INTS9: variants seen among roughly 807,000 people sequenced by gnomAD.
The protein encoded by INTS9 is integrator complex subunit 9.
INTS9 carries 55 observed loss-of-function variants against 79.7 expected under a neutral mutation model. That is an observed-to-expected ratio of 0.69 (90% CI 0.56 to 0.86). INTS9 has a LOEUF of 0.86. INTS9 is among the 40% of genes least tolerant of loss of function. INTS9 has a pLI of 0.00. For missense variants in INTS9, 721 were observed against 831.5 expected (o/e 0.87, Z 1.64); for synonymous variants, 319 against 325.2 (o/e 0.98, Z 0.20).
At chr8:28,805,799 G>T (rs1489994091) in intron 8 of INTS9, among the ~76,000 whole-genome samples, 1 of 152,134 alleles carries the variant, frequency 6.6e-6, no homozygotes, top group East Asian at 1.9e-4. Flanking sequence ...TATACAGAAG[G>T]AAATTTACAC....
intron 2 of INTS9, among the ~76,000 whole-genome samples, chr8:28,854,385 CAG>C (rs1808029125): frequency 6.6e-6 from 1 of 151,900 alleles, no homozygotes; most frequent in South Asian, 2.1e-4. Context: ...AGAGCTCTGA[CAG>C]GGGTACGCAG....
At chr8:28,773,965 G>A (rs1409675679) in intron 14 of INTS9, among the ~76,000 whole-genome samples, 2 of 152,116 alleles carry the variant, frequency 1.3e-5, no homozygotes, top group African/African-American at 4.8e-5. Flanking sequence ...GATTACAGGT[G>A]CGTGACACCA....
intron 15 of INTS9, 31 bp downstream of exon 15, chr8:28,770,951 G>T (rs781131172): frequency 1.3e-6 from 2 of 1,509,900 alleles, no homozygotes; most frequent in South Asian, 2.3e-5. Context: ...TGGGGAGAGG[G>T]TCCCCTGCAC....
In INTS9 at chr8:28,859,402, A is replaced by G. The variant is rs762051530; in HGVS notation, c.137+34T>C. On this transcript the variant is annotated intron_variant, in intron 2 of 16. Transcript: ENST00000521022. ...TGGTACCATTTTTCAGCAAACTTAA[A>G]GCTCATTTTGTCTTTGGCTGCACCA... The G allele has an allele frequency of 8.8e-5, 142 of 1,609,272 alleles. 1 individual carries two copies. In the South Asian group the frequency reaches 1.5e-3, roughly 17 times the overall value.
chr8:28,845,423 A>T (rs917303508), intron 4 of INTS9, among the ~76,000 whole-genome samples: 1 of 152,240 alleles, frequency 6.6e-6, no homozygotes, highest in East Asian at 1.9e-4. Flanking sequence ...TGCCTGAAAA[A>T]ATGTATATGG....
chr8:28,835,291 C>A lies in INTS9; in HGVS notation c.488+1G>T. ...CGGTAAGAGAGTGGTCTGTTCCTCA[C>A]CTCTGAATGTCCTTATTCTTCCACA... On this transcript the variant is annotated splice_donor_variant, in intron 6 of 16. Coordinates refer to ENST00000521022, the MANE Select transcript of INTS9 (RefSeq NM_018250.4). LOFTEE classifies it high-confidence loss of function. The A allele has an allele frequency of 1.9e-6, 3 of 1,611,506 alleles. No individual in the cohort carries two copies. The highest frequency in any genetic ancestry group is 2.5e-6 in the Non-Finnish European group (3 of 1,177,814).
intron 15 of INTS9, among the ~76,000 whole-genome samples, 166 bp from the exon 16 acceptor site, chr8:28,770,192 C>T (rs969001459): frequency 6.6e-6 from 1 of 152,384 alleles, no homozygotes; most frequent in Middle Eastern, 3.4e-3. Flanking sequence ...CCGGGAGCCC[C>T]AGATCCACGC....
chr8:28,843,805 G>A (rs545242227), intron 4 of INTS9, among the ~76,000 whole-genome samples: 5 of 151,146 alleles, frequency 3.3e-5, no homozygotes, highest in East Asian at 1.9e-4. Flanking sequence ...TTGAAATGGC[G>A]GGCAATATCA....
At chr8:28,796,081 G>A (rs578238488) in intron 9 of INTS9, among the ~76,000 whole-genome samples, 56 of 152,298 alleles carry the variant, frequency 3.7e-4, no homozygotes, top group African/African-American at 1.2e-3. Flanking sequence ...AGGCCAAAGC[G>A]GGCGGATTGC....
At chr8:28,856,095 A>G (rs1453415958) in intron 2 of INTS9, among the ~76,000 whole-genome samples, 2 of 152,236 alleles carry the variant, frequency 1.3e-5, no homozygotes, top group Admixed American at 6.5e-5. Context: ...CAGGGTCAAG[A>G]TGAGAATTGA....
chr8:28,794,110 G>T, intron 9 of INTS9, 123 bp from the exon 10 acceptor site: 1 of 735,222 alleles, frequency 1.4e-6, no homozygotes, highest in Non-Finnish European at 2.1e-6. Flanking sequence ...TTACTTACAT[G>T]TCTAATAAGC....
chr8:28,838,005 T>G (rs1806914401), intron 4 of INTS9, among the ~76,000 whole-genome samples: 1 of 152,006 alleles, frequency 6.6e-6, no homozygotes, highest in East Asian at 1.9e-4. Context: ...GAGGCAGCAC[T>G]CTGATTTTAC....
At chr8:28,776,879 T>C (rs1041077773) in intron 13 of INTS9, among the ~76,000 whole-genome samples, 1 of 152,150 alleles carries the variant, frequency 6.6e-6, no homozygotes, top group African/African-American at 2.4e-5. Flanking sequence ...AAGTTAATAA[T>C]GAAAAGCAAC....
At chr8:28,853,225 C>T (rs181672623) in intron 2 of INTS9, among the ~76,000 whole-genome samples, 114 of 151,972 alleles carry the variant, frequency 7.5e-4, no homozygotes, top group African/African-American at 2.5e-3. Flanking sequence ...ACCAGCCTGG[C>T]CAACATGGTG....
intron 8 of INTS9, among the ~76,000 whole-genome samples, chr8:28,802,811 A>G (rs964046693): frequency 2.0e-5 from 3 of 152,106 alleles, no homozygotes; most frequent in African/African-American, 7.2e-5. Flanking sequence ...ACATTCTATT[A>G]TAGATAAGTT....
chr8:28,819,359 T>A (rs528846951), intron 6 of INTS9, among the ~76,000 whole-genome samples: 13 of 152,334 alleles, frequency 8.5e-5, no homozygotes, highest in African/African-American at 2.6e-4. Context: ...TGTGTCTTTG[T>A]TCTTGTTGGT....
intron 1 of INTS9, among the ~76,000 whole-genome samples, chr8:28,863,717 G>C (rs1444538926): frequency 6.6e-6 from 1 of 152,200 alleles, no homozygotes; most frequent in Admixed American, 6.5e-5. Flanking sequence ...AGGAGGCAGA[G>C]GTTGCAGTGA....
At chr8:28,802,784 G>C (rs1294697009) in intron 8 of INTS9, among the ~76,000 whole-genome samples, 2 of 152,020 alleles carry the variant, frequency 1.3e-5, no homozygotes, top group African/African-American at 2.4e-5. Flanking sequence ...TCTTAGCCTG[G>C]TAAGGACATC....
In INTS9 at chr8:28,796,595, T is replaced by C. The variant is rs777613993; in HGVS notation, c.805A>G (p.Ile269Val). 1 of 1,614,088 alleles carries C rather than the reference T, an allele frequency of 6.2e-7. No homozygotes were observed. The highest frequency in any genetic ancestry group is 1.3e-5 in the African/African-American group (1 of 75,036). ...DVLVLTGLTQ[I>V]PTANPDGMVG... ...ATTCCATCTGGGTTTGCAGTGGGGA[T>C]CTGGGTAAGCCCTGTCAGAACAAGA... Residue 269 changes from isoleucine (I) to valine (V), a missense_variant, in exon 9 of 17, where the codon ATC (isoleucine) becomes GTC (valine). By Grantham distance (29) the Ile-to-Val change is conservative. Around this residue, in one of 3 missense-constraint regions of INTS9, gnomAD observed 149 missense variants for 223.7 expected, o/e 0.67. Coordinates refer to ENST00000521022, the MANE Select transcript of INTS9 (RefSeq NM_018250.4).
Sources: gnomAD v4.1 joint callset for allele counts (sites outside exome capture counted in the v4.1 genomes callset) on GRCh38, gnomAD v4.1.1 for gene constraint, gnomAD v4.1.1 regional missense constraint, MANE v1.5 for transcripts, NCBI Gene and HGNC (gene_info 2026-07-23, HGNC 2026-07-21) for gene names.